CAST: variants seen among roughly 807,000 people sequenced by gnomAD.
CAST encodes the protein calpastatin.
CAST carries 76 observed loss-of-function variants against 119.6 expected under a neutral mutation model. That is an observed-to-expected ratio of 0.64 (90% CI 0.53 to 0.77). The LOEUF (loss-of-function observed/expected upper bound fraction) is 0.77. Ranked by LOEUF, CAST falls within the 30% of genes least tolerant of loss-of-function variation. The pLI is 0.00. For missense variants in CAST, 953 were observed against 946.5 expected (o/e 1.01, Z -0.09); for synonymous variants, 319 against 331.6 (o/e 0.96, Z 0.41).
chr5:96,503,910 AAAG>A, the CAST span, among the ~76,000 whole-genome samples: 3 of 152,152 alleles, frequency 2.0e-5, no homozygotes, highest in Non-Finnish European at 4.4e-5. Context: ...TTTTTGCAAA[AAAG>A]AAGAAGAAAA....
At chr5:96,344,318 A>T in the CAST span, among the ~76,000 whole-genome samples, 2 of 152,210 alleles carry the variant, frequency 1.3e-5, no homozygotes, top group Non-Finnish European at 2.9e-5. Context: ...GTGTGGAATG[A>T]ATGGATGAGT....
chr5:96,468,710 A>G, the CAST span, among the ~76,000 whole-genome samples: 39,472 of 151,970 alleles, frequency 0.26, 5,349 homozygotes, highest in East Asian at 0.42. Context: ...CAGATCATAA[A>G]GAAAATTAGG....
chr5:96,307,220 C>G, the CAST span, among the ~76,000 whole-genome samples: 10 of 152,268 alleles, frequency 6.6e-5, no homozygotes, highest in African/African-American at 2.2e-4. Flanking sequence ...TTCTTTGTCT[C>G]TTTTGATCTT....
the CAST span, among the ~76,000 whole-genome samples, chr5:96,187,953 G>A: frequency 6.6e-6 from 1 of 152,184 alleles, no homozygotes. Flanking sequence ...CTAGGATTCT[G>A]GGAGGGGACT....
At chr5:96,550,821 T>C (rs989655290) in intron 1 of CAST, among the ~76,000 whole-genome samples, 3 of 152,134 alleles carry the variant, frequency 2.0e-5, no homozygotes, top group Non-Finnish European at 2.9e-5. Context: ...ATATCAGTGA[T>C]TGAATATCAA....
chr5:96,670,899 G>A (rs1749984825), intron 1 of CAST, among the ~76,000 whole-genome samples: 1 of 152,248 alleles, frequency 6.6e-6, no homozygotes, highest in South Asian at 2.1e-4. Context: ...AAATGTGGCA[G>A]AGTTGAACCT....
the CAST span, chr5:96,397,359 A>G: frequency 6.2e-7 from 1 of 1,612,954 alleles, no homozygotes; most frequent in African/African-American, 1.3e-5. Context: ...CTCAAAGTCC[A>G]AGTACCTATA....
the CAST span, among the ~76,000 whole-genome samples, chr5:96,091,234 G>A: frequency 2.0e-5 from 3 of 149,340 alleles, no homozygotes; most frequent in Non-Finnish European, 3.0e-5. Flanking sequence ...ACAGACCCTC[G>A]CTCTGTCGCC....
the CAST span, among the ~76,000 whole-genome samples, chr5:96,073,852 A>G: frequency 5.9e-5 from 9 of 152,156 alleles, no homozygotes; most frequent in African/African-American, 1.9e-4. Flanking sequence ...CCCCTGTTCT[A>G]AAGTTCTTTC....
At chr5:96,768,054 A>C in intron 29 of CAST, 55 bp downstream of exon 29, 10 of 1,113,196 alleles carry the variant, frequency 9.0e-6, no homozygotes, top group Non-Finnish European at 1.4e-5. Flanking sequence ...GTATGTGTAC[A>C]TACATATAAG....
chr5:96,111,674 A>G, the CAST span, among the ~76,000 whole-genome samples: 1 of 152,224 alleles, frequency 6.6e-6, no homozygotes, highest in African/African-American at 2.4e-5. Context: ...GGAACTGGGG[A>G]CAAAGACCAA....
the CAST span, among the ~76,000 whole-genome samples, chr5:96,324,139 C>T: frequency 3.9e-5 from 6 of 152,182 alleles, no homozygotes; most frequent in Admixed American, 3.3e-4. Context: ...ATTCTCCAAG[C>T]TGATCTTTAT....
chr5:96,086,752 C>T, the CAST span, among the ~76,000 whole-genome samples: 1 of 151,990 alleles, frequency 6.6e-6, no homozygotes, highest in Non-Finnish European at 1.5e-5. Context: ...CAGGATAACC[C>T]CGGTGAATTA....
At chr5:96,289,928 G>A in the CAST span, among the ~76,000 whole-genome samples, 1 of 124,356 alleles carries the variant, frequency 8.0e-6, no homozygotes, top group Non-Finnish European at 1.7e-5. Context: ...AACTTCTTTG[G>A]AGGTTTTTTT....
intron 1 of CAST, among the ~76,000 whole-genome samples, chr5:96,552,083 A>G (rs1188099979): frequency 2.6e-5 from 4 of 152,226 alleles, no homozygotes; most frequent in Non-Finnish European, 5.9e-5. Context: ...AGACATCTAC[A>G]GAACTCTCCA....
intron 1 of CAST, among the ~76,000 whole-genome samples, chr5:96,646,745 C>A (rs1561438665): frequency 6.6e-6 from 1 of 152,136 alleles, no homozygotes; most frequent in Non-Finnish European, 1.5e-5. Context: ...GTTTTAAACA[C>A]AGCATTTCTT....
chr5:96,246,227 G>A, the CAST span, among the ~76,000 whole-genome samples: 3 of 100,118 alleles, frequency 3.0e-5, no homozygotes, highest in Non-Finnish European at 5.7e-5. Context: ...CTGTCGCCCA[G>A]GCTGGAGTGC....
rs768051927 is a variant in CAST, at chr5:96,730,886, C to CAA, written c.630+26_630+27insAA. Reference sequence around the variant, plus strand: ...GTGAGCACACACAAGCAGACGGAAACGTGGGCCTCTGTGCTTCTCAAGTTT... The same window carrying CAA: ...GTGAGCACACACAAGCAGACGGAAACAAGTGGGCCTCTGTGCTTCTCAAGTTT... On this transcript the variant is annotated intron_variant, in intron 9 of 31. Transcript: ENST00000675179. 3.9e-6 allele frequency: 6 copies of CAA among 1,535,090 alleles called. No homozygotes were observed. In the African/African-American group the frequency reaches 8.2e-5, roughly 21 times the overall value.
chr5:96,662,653 G>GGCAGGTGGCT lies in CAST; in HGVS notation c.75+167_75+176dup, dbSNP rs80310955. On this transcript the variant is annotated intron_variant, in intron 1 of 31. Coordinates refer to ENST00000675179, the MANE Select transcript of CAST (RefSeq NM_001750.7). Reference sequence around the variant, plus strand: ...AGGGCTAGGGGCTTGGCCGCTGCCAGGCAGGTGGCTGCAGGTGGCTTCGGT... The same window carrying GGCAGGTGGCT: ...AGGGCTAGGGGCTTGGCCGCTGCCAGGCAGGTGGCTGCAGGTGGCTGCAGGTGGCTTCGGT... Among the ~76,000 whole-genome samples the GGCAGGTGGCT allele has an allele frequency of 0.29, 44,371 of 151,758 alleles. 6,951 individuals are homozygous for GGCAGGTGGCT. Among genetic ancestry groups the GGCAGGTGGCT allele is most frequent in the East Asian group, 0.45 (2,261 of 5,056 alleles).
Sources: allele counts gnomAD v4.1 joint callset (sites outside exome capture counted in the v4.1 genomes callset), GRCh38; gene constraint gnomAD v4.1.1; transcripts MANE v1.5; gene names NCBI Gene and HGNC (gene_info 2026-07-23, HGNC 2026-07-21).